PPFIA2: variants seen among roughly 807,000 people sequenced by gnomAD.
The protein encoded by PPFIA2 is liprin-alpha-2.
PPFIA2 carries 46 observed loss-of-function variants against 175.5 expected under a neutral mutation model. The observed-to-expected ratio is 0.26, with a 90% CI of 0.21 to 0.34. The LOEUF (loss-of-function observed/expected upper bound fraction) is 0.34, where lower values mean the gene tolerates loss of function less well. Ranked by LOEUF, PPFIA2 falls within the 10% of genes least tolerant of loss-of-function variation. PPFIA2 has a pLI of 1.00. For missense variants in PPFIA2, 1,179 were observed against 1,506.1 expected, an observed-to-expected ratio of 0.78 and a Z score of 3.60; for synonymous variants, 568 against 511.4, an observed-to-expected ratio of 1.11 and a Z score of -1.49.
rs369431808 is a variant in PPFIA2 at position 81,627,337 on chromosome 12, T to G, written c.303+49454A>C. Among the ~76,000 whole-genome samples the G allele has an allele frequency of 7.2e-5, 11 of 152,240 alleles. No individual in the cohort carries two copies. In the East Asian group the frequency reaches 9.6e-4, roughly 13 times the overall value. On this transcript the variant is annotated intron_variant, in intron 4 of 32. Coordinates refer to ENST00000549396, the MANE Select transcript of PPFIA2 (RefSeq NM_003625.5). ...ATGATAAATGTTTGAGGTTATGGAT[T>G]TCCCAGTTAGCCTGATTTTATCATT...
At chr12:81,336,586 C>T (rs984608847) in intron 21 of PPFIA2, among the ~76,000 whole-genome samples, 2 of 152,148 alleles carry the variant, frequency 1.3e-5, no homozygotes, top group Admixed American at 6.6e-5. Flanking sequence ...ACCAAGGAAA[C>T]ATTTTCATAG....
intron 4 of PPFIA2, among the ~76,000 whole-genome samples, chr12:81,632,978 A>G (rs1387020315): frequency 2.6e-5 from 4 of 152,030 alleles, no homozygotes; most frequent in African/African-American, 7.2e-5. Flanking sequence ...TTTCTGCCTG[A>G]CTAGGAAAAG....
intron 11 of PPFIA2, 75 bp downstream of exon 11, chr12:81,374,559 C>A: frequency 1.4e-6 from 2 of 1,474,178 alleles, no homozygotes; most frequent in Non-Finnish European, 1.8e-6. Context: ...TATAGAAAAT[C>A]TTTACACATT....
At chr12:81,564,864 T>C (rs1179398442) in intron 4 of PPFIA2, among the ~76,000 whole-genome samples, 2 of 152,124 alleles carry the variant, frequency 1.3e-5, no homozygotes, top group Non-Finnish European at 2.9e-5. Flanking sequence ...GAGAGTCTTA[T>C]CCTCTCTGTA....
At chr12:81,347,138 G>C (rs936267305) in intron 18 of PPFIA2, among the ~76,000 whole-genome samples, 1 of 150,946 alleles carries the variant, frequency 6.6e-6, no homozygotes, top group Non-Finnish European at 1.5e-5. Flanking sequence ...TTTTTTTTGA[G>C]ATGCGGTCTT....
rs906936465 is a variant in PPFIA2 at position 81,358,281 on chromosome 12, A to G, written c.1638-64T>C. 6.9e-6 allele frequency: 10 copies of G among 1,450,238 alleles called. No individual in the cohort carries two copies. In the African/African-American group the frequency reaches 1.3e-4, roughly 19 times the overall value. 89.8% of individuals were successfully genotyped at this position (1,450,238 alleles called of 1,614,324 possible). A position where few individuals can be genotyped will look rare whatever the true frequency, so the allele number is the denominator to read the frequency against. ...AAATTAAACTTACCAGGAAATTACT[A>G]TCTGCTGTTTTACTGGCAATAAAGC... On this transcript the variant is annotated intron_variant, in intron 15 of 32. Transcript: ENST00000549396.
chr12:81,669,576 ACT>A (rs2071025499), intron 4 of PPFIA2, among the ~76,000 whole-genome samples: 1 of 151,990 alleles, frequency 6.6e-6, no homozygotes, highest in African/African-American at 2.4e-5. Context: ...TTCACGGAAA[ACT>A]CTGTTAAAGT....
chr12:81,746,273 A>G (rs1597158755), intron 3 of PPFIA2, among the ~76,000 whole-genome samples: 1 of 144,958 alleles, frequency 6.9e-6, no homozygotes, highest in East Asian at 2.1e-4. Flanking sequence ...CAAGAAAAAA[A>G]TTGAGAGGAA....
intron 3 of PPFIA2, among the ~76,000 whole-genome samples, chr12:81,735,611 T>A (rs1021582551): frequency 1.3e-5 from 2 of 151,820 alleles, no homozygotes; most frequent in African/African-American, 4.8e-5. Context: ...TTTATAATTT[T>A]TTTTGTGGAT....
intron 4 of PPFIA2, among the ~76,000 whole-genome samples, chr12:81,646,547 AAC>A (rs2066105916): frequency 6.6e-6 from 1 of 152,228 alleles, no homozygotes; most frequent in Non-Finnish European, 1.5e-5. Context: ...CTCCTCTTTC[AAC>A]ACAGTCATGC....
intron 4 of PPFIA2, among the ~76,000 whole-genome samples, chr12:81,649,412 C>G (rs1247233484): frequency 2.0e-5 from 3 of 152,032 alleles, no homozygotes. Flanking sequence ...AGTGACAATA[C>G]CAAGTGCTGC....
At chr12:81,415,843 A>C (rs2045149134) in intron 7 of PPFIA2, among the ~76,000 whole-genome samples, 1 of 151,486 alleles carries the variant, frequency 6.6e-6, no homozygotes, top group Non-Finnish European at 1.5e-5. Context: ...CATTGTTATT[A>C]ACATGTAATT....
intron 4 of PPFIA2, among the ~76,000 whole-genome samples, chr12:81,600,660 A>G (rs2059695571): frequency 6.6e-6 from 1 of 151,968 alleles, no homozygotes; most frequent in African/African-American, 2.4e-5. Context: ...AAATAGATTT[A>G]CTAGCTGTGG....
intron 4 of PPFIA2, among the ~76,000 whole-genome samples, chr12:81,667,144 G>A (rs900777439): frequency 6.6e-6 from 1 of 152,064 alleles, no homozygotes; most frequent in African/African-American, 2.4e-5. Flanking sequence ...TCTCCAGCAT[G>A]TTTATCCTAG....
At chr12:81,375,136 T>C (rs1288288051) in intron 10 of PPFIA2, among the ~76,000 whole-genome samples, 2 of 152,136 alleles carry the variant, frequency 1.3e-5, no homozygotes, top group Non-Finnish European at 2.9e-5. Flanking sequence ...TGTAGCATGA[T>C]GATCCAGGCT....
chr12:81,358,329 C>T, intron 15 of PPFIA2, 112 bp from the exon 16 acceptor site: 2 of 1,044,456 alleles, frequency 1.9e-6, no homozygotes, highest in East Asian at 2.6e-5. Context: ...GGAAATAAAC[C>T]TCAAGAAAGA....
intron 4 of PPFIA2, among the ~76,000 whole-genome samples, chr12:81,514,202 C>A (rs1049653906): frequency 1.3e-5 from 2 of 151,902 alleles, no homozygotes; most frequent in Non-Finnish European, 2.9e-5. Context: ...TATATAGGGT[C>A]AGTGCAATGA....
chr12:81,707,141 CA>C (rs2077266256), intron 3 of PPFIA2, among the ~76,000 whole-genome samples: 1 of 152,118 alleles, frequency 6.6e-6, no homozygotes, highest in African/African-American at 2.4e-5. Flanking sequence ...ACACCAAAAG[CA>C]ATGGCAACAA....
At chr12:81,671,350 A>T (rs2071379522) in intron 4 of PPFIA2, among the ~76,000 whole-genome samples, 1 of 151,912 alleles carries the variant, frequency 6.6e-6, no homozygotes, top group Admixed American at 6.6e-5. Context: ...GTCACCTTAC[A>T]GGCTTTTATT....
Sources: gnomAD v4.1 joint callset for allele counts (sites outside exome capture counted in the v4.1 genomes callset) on GRCh38, gnomAD v4.1.1 for gene constraint, MANE v1.5 for transcripts, NCBI Gene and HGNC (gene_info 2026-07-23, HGNC 2026-07-21) for gene names.